Variants in SDK1 observed in about 807,000 individuals in gnomAD.
The protein encoded by SDK1 is sidekick cell adhesion molecule 1, also known as protein sidekick-1.
Under a neutral mutation model 245.5 loss-of-function variants are expected in SDK1, and 157 were observed. The ratio of observed to expected loss-of-function variants is 0.64; its 90% CI spans 0.56 to 0.73. The LOEUF is 0.73. Ranked by LOEUF, SDK1 falls within the 30% of genes least tolerant of loss-of-function variation. The pLI, the probability that SDK1 is intolerant of heterozygous loss-of-function variation, is 0.00. For synonymous variants in SDK1, 1,647 were observed against 1,278.5 expected, an observed-to-expected ratio of 1.29 and a Z score of -6.15; for missense variants, 3,583 against 3,002.3, an observed-to-expected ratio of 1.19 and a Z score of -4.52.
At chr7:3,572,732 C>G (rs1780155778) in intron 1 of SDK1, among the ~76,000 whole-genome samples, 1 of 152,016 alleles carries the variant, frequency 6.6e-6, no homozygotes, top group African/African-American at 2.4e-5. Context: ...GTGAGCTAGG[C>G]AAATCCAGTC....
rs570889050 is a variant in SDK1 at position 3,354,530 on chromosome 7, C to T, written c.298+52646C>T. Among the ~76,000 whole-genome samples, 7 of 152,276 alleles carry T rather than the reference C, an allele frequency of 4.6e-5. No homozygotes were observed. The South Asian group carries it at 1.2e-3, about 27-fold the overall frequency. On this transcript the variant is annotated intron_variant, in intron 1 of 44. Transcript: ENST00000404826. ...GTTAAAGTTAACAGTCTTAACACTT[C>T]AATTGTAAGAATATTTTGTGGTGTC...
Position 4,193,371 on chromosome 7 carries a change from T to TA in SDK1, c.5099-12508_5099-12507insA, listed in dbSNP as rs1491445491. Among the ~76,000 whole-genome samples, 18 of 54,420 alleles carry TA rather than the reference T, an allele frequency of 3.3e-4. 1 individual carries two copies. The highest frequency in any genetic ancestry group is 1.3e-3 in the Admixed American group (5 of 3,744). The allele number at this position is 54,420 out of a possible 152,430, so 35.7% of individuals were successfully genotyped here. On this transcript the variant is annotated intron_variant, in intron 35 of 44. Coordinates refer to ENST00000404826, the MANE Select transcript of SDK1 (RefSeq NM_152744.4). ...TAATATATTTATATATATTAAAATA[T>TA]TTATATATATATATATATATATATA... is the stretch of plus-strand genomic sequence containing the variant.
intron 5 of SDK1, among the ~76,000 whole-genome samples, chr7:3,896,353 C>T (rs548626495): frequency 6.6e-6 from 1 of 152,334 alleles, no homozygotes; most frequent in South Asian, 2.1e-4. Context: ...GGAGCACACC[C>T]TCTTCCTGGC....
At chr7:4,230,845 A>T (rs1785715655) in intron 40 of SDK1, among the ~76,000 whole-genome samples, 1 of 152,126 alleles carries the variant, frequency 6.6e-6, no homozygotes, top group South Asian at 2.1e-4. Flanking sequence ...CCTCAAAAAG[A>T]TGAGTCTGAG....
chr7:3,454,927 G>A (rs1158105109), intron 1 of SDK1, among the ~76,000 whole-genome samples: 2 of 152,146 alleles, frequency 1.3e-5, no homozygotes, highest in East Asian at 1.9e-4. Flanking sequence ...CAGAGTGACT[G>A]TACCATTTTA....
intron 1 of SDK1, among the ~76,000 whole-genome samples, chr7:3,342,079 A>G (rs1780362868): frequency 6.6e-6 from 1 of 152,222 alleles, no homozygotes; most frequent in Non-Finnish European, 1.5e-5. Flanking sequence ...TGGAACAGAG[A>G]ACTAAAAAAA....
intron 25 of SDK1, among the ~76,000 whole-genome samples, chr7:4,116,104 T>A (rs1397580121): frequency 6.6e-6 from 1 of 152,024 alleles, no homozygotes; most frequent in Non-Finnish European, 1.5e-5. Flanking sequence ...GCCTGGCCTG[T>A]CTGCTCTAAA....
Position 4,208,233 on chromosome 7 carries a change from C to A in SDK1, c.5349C>A (p.Ala1783=), listed in dbSNP as rs768047077. The change falls in exon 37 of 45, where the codon GCC becomes GCA. Residue 1783 remains alanine (A), a synonymous_variant. Transcript: ENST00000404826. ...KYLVSISAFN[A]AGDGPKSDPQ... is the part of the protein sequence containing the mutation. ...TGGTCAGCATATCAGCCTTCAACGC[C>A]GCCGGAGATGGACCTAAGAGTGACC... 6.2e-7 allele frequency: 1 copy of A among 1,614,042 alleles called. No individual in the cohort carries two copies. The highest frequency in any genetic ancestry group is 1.1e-5 in the South Asian group (1 of 91,064).
At chr7:3,363,919 G>T (rs766868773) in intron 1 of SDK1, among the ~76,000 whole-genome samples, 58 of 152,206 alleles carry the variant, frequency 3.8e-4, no homozygotes, top group Non-Finnish European at 7.5e-4. Flanking sequence ...GTTGTCACCA[G>T]AAATGTGTGA....
chr7:3,476,928 G>T (rs536559279), intron 1 of SDK1, among the ~76,000 whole-genome samples: 1 of 152,252 alleles, frequency 6.6e-6, no homozygotes, highest in Non-Finnish European at 1.5e-5. Flanking sequence ...AACTGGTGAG[G>T]CATGCAGGCC....
intron 5 of SDK1, among the ~76,000 whole-genome samples, chr7:3,830,129 C>G (rs944778410): frequency 1.3e-5 from 2 of 152,142 alleles, no homozygotes; most frequent in African/African-American, 4.8e-5. Context: ...TGACATCGAA[C>G]TGTTGTGGCA....
intron 5 of SDK1, among the ~76,000 whole-genome samples, chr7:3,867,762 C>T (rs1780857330): frequency 6.6e-6 from 1 of 152,170 alleles, no homozygotes; most frequent in Non-Finnish European, 1.5e-5. Flanking sequence ...TTTTTGATAT[C>T]TGGCTTATTT....
intron 5 of SDK1, among the ~76,000 whole-genome samples, chr7:3,822,654 G>T (rs10241501): frequency 0.015 from 2,246 of 152,050 alleles, 49 homozygotes; most frequent in African/African-American, 0.051. Context: ...TGTAATTCCA[G>T]CTACAGGGGA....
At chr7:3,593,368 T>C (rs1392463501) in intron 1 of SDK1, among the ~76,000 whole-genome samples, 1 of 152,168 alleles carries the variant, frequency 6.6e-6, no homozygotes, top group Non-Finnish European at 1.5e-5. Flanking sequence ...CTGGGGATAG[T>C]ATGTGATGCA....
chr7:3,670,121 C>G (rs1413213094), intron 4 of SDK1, among the ~76,000 whole-genome samples: 10 of 152,176 alleles, frequency 6.6e-5, no homozygotes. Context: ...TGGTCTCTAC[C>G]TTGTTTCCCT....
At chr7:3,364,548 A>T (rs1409525275) in intron 1 of SDK1, among the ~76,000 whole-genome samples, 2 of 152,030 alleles carry the variant, frequency 1.3e-5, no homozygotes, top group African/African-American at 4.8e-5. Flanking sequence ...TTTTTTCTCC[A>T]TTGAATTTTT....
intron 1 of SDK1, among the ~76,000 whole-genome samples, chr7:3,605,568 T>G (rs1405910972): frequency 6.6e-6 from 1 of 152,220 alleles, no homozygotes; most frequent in Non-Finnish European, 1.5e-5. Context: ...CCATTATATA[T>G]TTAGGCAGTA....
chr7:3,886,919 A>G (rs535478498), intron 5 of SDK1, among the ~76,000 whole-genome samples: 1 of 152,316 alleles, frequency 6.6e-6, no homozygotes, highest in African/African-American at 2.4e-5. Context: ...TCAATTTAAA[A>G]AACTTGGCTC....
At chr7:4,013,205 C>A (rs1562668456) in intron 16 of SDK1, among the ~76,000 whole-genome samples, 1 of 152,228 alleles carries the variant, frequency 6.6e-6, no homozygotes, top group Non-Finnish European at 1.5e-5. Context: ...TTATTGGGAA[C>A]ACTGTATCTG....
Sources: gnomAD v4.1 joint callset for allele counts (sites outside exome capture counted in the v4.1 genomes callset) on GRCh38, gnomAD v4.1.1 for gene constraint, MANE v1.5 for transcripts, NCBI Gene and HGNC (gene_info 2026-07-23, HGNC 2026-07-21) for gene names.